The following PCNX2 variants were observed in gnomAD, a reference collection of about 807,000 sequenced individuals.
The protein encoded by PCNX2 is pecanex-like protein 2.
Under a neutral mutation model 223.8 loss-of-function variants are expected in PCNX2, and 168 were observed. The observed-to-expected ratio is 0.75, with a 90% CI of 0.66 to 0.85. The LOEUF is 0.85. Among genes scored for constraint, PCNX2 ranks in the 40% least tolerant of loss-of-function variants. PCNX2 has a pLI of 0.00. For synonymous variants in PCNX2, 1,006 were observed against 1,052.6 expected, an observed-to-expected ratio of 0.96 and a Z score of 0.86; for missense variants, 2,507 against 2,675.5, an observed-to-expected ratio of 0.94 and a Z score of 1.39.
chr1:233,186,107 GACTA>G (rs576858883), intron 15 of PCNX2, among the ~76,000 whole-genome samples: 47 of 152,316 alleles, frequency 3.1e-4, no homozygotes, highest in African/African-American at 8.2e-4. Context: ...TTATGGGACA[GACTA>G]ACTGAGTGTT....
intron 28 of PCNX2, among the ~76,000 whole-genome samples, chr1:233,008,503 G>A (rs1670361033): frequency 6.6e-6 from 1 of 152,156 alleles, no homozygotes; most frequent in African/African-American, 2.4e-5. Context: ...GGCATATTTA[G>A]AGGCTTGGTG....
At chr1:233,050,363 C>T (rs547401706) in intron 25 of PCNX2, among the ~76,000 whole-genome samples, 1 of 150,992 alleles carries the variant, frequency 6.6e-6, no homozygotes, top group South Asian at 2.1e-4. Flanking sequence ...AAAAAAAGCC[C>T]AAGTAGCAAA....
chr1:233,317,712 T>C, the PCNX2 span, among the ~76,000 whole-genome samples: 1 of 152,116 alleles, frequency 6.6e-6, no homozygotes, highest in Admixed American at 6.5e-5. Context: ...AATTTTCTGT[T>C]TCAATAAGTC....
intron 25 of PCNX2, among the ~76,000 whole-genome samples, chr1:233,047,645 C>T (rs1671865868): frequency 1.3e-5 from 2 of 152,132 alleles, no homozygotes; most frequent in African/African-American, 4.8e-5. Context: ...TTCAATTCAA[C>T]AAGACTTAAC....
intron 21 of PCNX2, among the ~76,000 whole-genome samples, chr1:233,102,198 C>T (rs72763930): frequency 0.13 from 20,032 of 150,226 alleles, 1,432 homozygotes; most frequent in East Asian, 0.21. Context: ...CATGTTGTTG[C>T]AAATTGACAG....
At chr1:233,047,337 C>G in intron 25 of PCNX2, 1 of 958,578 alleles carries the variant, frequency 1.0e-6, no homozygotes, top group South Asian at 4.8e-5. Context: ...TGATGAGGAG[C>G]TGACAGACAG....
chr1:233,118,633 AG>A (rs1214411512), intron 21 of PCNX2, among the ~76,000 whole-genome samples: 6 of 152,184 alleles, frequency 3.9e-5, no homozygotes, highest in Non-Finnish European at 5.9e-5. Context: ...ACTCAAAAAA[AG>A]GATCACATAA....
intron 26 of PCNX2, among the ~76,000 whole-genome samples, chr1:233,023,159 C>T (rs1443547069): frequency 1.3e-5 from 2 of 152,168 alleles, no homozygotes; most frequent in Non-Finnish European, 2.9e-5. Flanking sequence ...CTAGCTGTTC[C>T]TGCAACCACC....
intron 25 of PCNX2, among the ~76,000 whole-genome samples, chr1:233,039,015 T>C (rs953442058): frequency 4.6e-5 from 7 of 152,184 alleles, no homozygotes; most frequent in African/African-American, 1.2e-4. Context: ...CTAGGTTTCA[T>C]GACTTTAATT....
chr1:233,208,926 T>C (rs917862691), intron 12 of PCNX2, among the ~76,000 whole-genome samples: 5 of 143,638 alleles, frequency 3.5e-5, no homozygotes, highest in Admixed American at 2.1e-4. Context: ...AAAAAAAAAA[T>C]GTTATGCCTA....
chr1:233,178,346 A>T (rs187860119), intron 16 of PCNX2, among the ~76,000 whole-genome samples: 231 of 152,350 alleles, frequency 1.5e-3, no homozygotes, highest in Admixed American at 2.7e-3. Flanking sequence ...GTCTTCAAAG[A>T]GTTACGGTTA....
chr1:233,295,295 A>G lies in PCNX2; in HGVS notation c.153+31T>C. 6.4e-7 allele frequency: 1 copy of G among 1,566,658 alleles called. No individual in the cohort carries two copies. On this transcript the variant is annotated intron_variant, in intron 1 of 33. Transcript: ENST00000258229. This position sits in a 1 kb window ranked among gnomAD's most constrained non-coding sequence, Gnocchi z 4.1. The stretch of plus-strand genomic sequence containing the variant: ...TTCTCCTTCTTCCCTCCATACCCAC[A>G]GCTCCCCGGGACCGGACCCTCCCCA...
At chr1:233,324,272 C>G in the PCNX2 span, among the ~76,000 whole-genome samples, 1 of 152,158 alleles carries the variant, frequency 6.6e-6, no homozygotes, top group Admixed American at 6.5e-5. Flanking sequence ...AACTAGTTAT[C>G]CAGAACATCT....
At chr1:233,128,402 T>C (rs1676226924) in intron 21 of PCNX2, among the ~76,000 whole-genome samples, 1 of 152,156 alleles carries the variant, frequency 6.6e-6, no homozygotes, top group Non-Finnish European at 1.5e-5. Context: ...TGGGATTATC[T>C]TGGCTCATTG....
At chr1:233,270,438 G>A (rs562338603) in intron 1 of PCNX2, among the ~76,000 whole-genome samples, 10 of 152,294 alleles carry the variant, frequency 6.6e-5, no homozygotes, top group Non-Finnish European at 1.5e-4. Flanking sequence ...CCTGGACGTA[G>A]ATGTGTACAG....
At chr1:233,148,190 G>A (rs539688371) in intron 19 of PCNX2, among the ~76,000 whole-genome samples, 2 of 152,248 alleles carry the variant, frequency 1.3e-5, no homozygotes, top group Admixed American at 6.5e-5. Context: ...ACCAGCAAGC[G>A]GGAATGAAAT....
At chr1:233,069,675 A>G (rs1021739048) in intron 23 of PCNX2, among the ~76,000 whole-genome samples, 11 of 152,284 alleles carry the variant, frequency 7.2e-5, no homozygotes, top group African/African-American at 2.6e-4. Context: ...AAAAGAAGAA[A>G]TAGAAATACA....
In PCNX2 at chr1:233,200,214, T is replaced by C. The variant is rs773327618; in HGVS notation, c.2914A>G (p.Ile972Val). 1.3e-6 allele frequency: 2 copies of C among 1,594,744 alleles called. No homozygotes were observed. The highest frequency in any genetic ancestry group is 2.3e-5 in the East Asian group (1 of 44,328). The change falls in exon 14 of 34, where the codon ATC (isoleucine) becomes GTC (valine). Residue 972 changes from isoleucine to valine, a missense_variant. By Grantham distance (29) the Ile-to-Val change is conservative. Transcript: ENST00000258229. ...AISLLGLFPQ[I>V]NTFCTYLLEQ... ...AAAAGATAAGTGCAGAAAGTGTTGA[T>C]TTGCGGGAAGAGCCCAAGGAGGGAA... is the stretch of plus-strand genomic sequence containing the variant.
rs1659526565 is a variant in PCNX2 at position 233,252,652 on chromosome 1, C to T, written c.1971G>A (p.Lys657=). 1 of 1,610,830 alleles carries T rather than the reference C, an allele frequency of 6.2e-7. No individual in the cohort carries two copies. The highest frequency in any genetic ancestry group is 8.5e-7 in the Non-Finnish European group (1 of 1,179,144). The change falls in exon 6 of 34, where the codon AAG becomes AAA. Residue 657 remains lysine (K), a synonymous_variant. Coordinates refer to ENST00000258229, the MANE Select transcript of PCNX2 (RefSeq NM_014801.4). ...TAACTTATCCTTACAAGGCTGTGGT[C>T]TTGGCAGGCTGAGTGCATGCGGGGC... ...STGPACTQPA[K]TTAFFQGNRQ...
Sources: allele counts gnomAD v4.1 joint callset (sites outside exome capture counted in the v4.1 genomes callset), GRCh38; gene constraint gnomAD v4.1.1; non-coding constraint Gnocchi (gnomAD v3.1); transcripts MANE v1.5; gene names NCBI Gene and HGNC (gene_info 2026-07-23, HGNC 2026-07-21).